Variants in KCNQ5 observed in about 807,000 individuals in gnomAD.
KCNQ5 encodes the protein potassium voltage-gated channel subfamily Q member 5.
Under a neutral mutation model 98.2 loss-of-function variants are expected in KCNQ5, and 30 were observed. That is an observed-to-expected ratio of 0.31 (90% confidence interval 0.23 to 0.41). The LOEUF is 0.41. KCNQ5 is among the 10% of genes least tolerant of loss of function. The probability of loss-of-function intolerance (pLI) is 1.00; values close to 1 mark genes in which losing one functional copy is unlikely to be tolerated. For missense variants in KCNQ5, 835 were observed against 1,182.5 expected, an observed-to-expected ratio of 0.71 and a Z score of 4.31; for synonymous variants, 458 against 449.4, an observed-to-expected ratio of 1.02 and a Z score of -0.24.
chr6:73,005,764 C>A (rs1004068908), intron 2 of KCNQ5, among the ~76,000 whole-genome samples: 1 of 152,196 alleles, frequency 6.6e-6, no homozygotes, highest in African/African-American at 2.4e-5. Flanking sequence ...GCAGATGAGG[C>A]CTTTGTTTTG....
chr6:72,916,971 T>G (rs1372058301), intron 1 of KCNQ5, among the ~76,000 whole-genome samples: 2 of 152,204 alleles, frequency 1.3e-5, no homozygotes, highest in African/African-American at 4.8e-5. Context: ...TATTTCCACA[T>G]GAATGCTCAT....
chr6:72,795,266 A>G (rs758953116), intron 1 of KCNQ5, among the ~76,000 whole-genome samples: 7 of 152,192 alleles, frequency 4.6e-5, no homozygotes, highest in Non-Finnish European at 8.8e-5. Context: ...GGCCAAGGTT[A>G]TGTGTCTCTA....
intron 10 of KCNQ5, among the ~76,000 whole-genome samples, chr6:73,161,822 C>T (rs1777624873): frequency 6.6e-6 from 1 of 152,204 alleles, no homozygotes; most frequent in Non-Finnish European, 1.5e-5. Context: ...TTCATCATCT[C>T]AAGTCCAAGT....
In KCNQ5 at chr6:73,193,925, C is replaced by T. The variant is rs528654909; in HGVS notation, c.1837-527C>T. On this transcript the variant is annotated intron_variant, in intron 13 of 13. Coordinates refer to ENST00000370398, the MANE Select transcript of KCNQ5 (RefSeq NM_019842.4). ...AATCATGGCTCACTGCAGCCTCTAC[C>T]TCCTGGGCTCAGTCAATCCTCCCAA... 3.3e-5 allele frequency among the ~76,000 whole-genome samples: 5 copies of T among 151,462 alleles called. 1 individual carries two copies. In the South Asian group the frequency reaches 1.0e-3, roughly 32 times the overall value.
At position 73,011,663 on chromosome 6, in the gene KCNQ5, T is replaced by C. The variant is rs186597108; in HGVS notation, c.489+7665T>C. On this transcript the variant is annotated intron_variant, in intron 2 of 13. Coordinates refer to ENST00000370398, the MANE Select transcript of KCNQ5 (RefSeq NM_019842.4). ...AAAATGTTTGTGCATCAGAAGACAGTATCAACAGAGAAAAAAGGCAACACA... is the reference window on the plus strand; with the variant it reads ...AAAATGTTTGTGCATCAGAAGACAGCATCAACAGAGAAAAAAGGCAACACA... Among the ~76,000 whole-genome samples, 3 of 152,086 alleles carry C rather than the reference T, an allele frequency of 2.0e-5. No homozygotes were observed. The East Asian group carries it at 5.8e-4, about 29-fold the overall frequency.
chr6:73,077,527 C>T (rs41265509), intron 4 of KCNQ5, 30 bp downstream of exon 4: 26 of 1,579,992 alleles, frequency 1.6e-5, no homozygotes, highest in Non-Finnish European at 2.1e-5. Flanking sequence ...TTTAAAAACA[C>T]AATTTTTGAA....
At chr6:73,145,899 G>A (rs9446853) in intron 10 of KCNQ5, among the ~76,000 whole-genome samples, 29,654 of 152,112 alleles carry the variant, frequency 0.19, 8,122 homozygotes, top group African/African-American at 0.61. Context: ...GGAAGGAAGC[G>A]TGTCTTTACG....
At chr6:72,638,045 T>C (rs973434537) in intron 1 of KCNQ5, among the ~76,000 whole-genome samples, 1 of 152,212 alleles carries the variant, frequency 6.6e-6, no homozygotes, top group Non-Finnish European at 1.5e-5. Flanking sequence ...GGTCCTACTT[T>C]AGTTGTGCAC....
At chr6:72,645,181 G>A (rs1467475135) in intron 1 of KCNQ5, among the ~76,000 whole-genome samples, 1 of 143,712 alleles carries the variant, frequency 7.0e-6, no homozygotes, top group Non-Finnish European at 1.5e-5. Flanking sequence ...ATCAATCTGG[G>A]CTATATAGTG....
chr6:72,770,231 G>T (rs1199138126), intron 1 of KCNQ5, among the ~76,000 whole-genome samples: 1 of 152,092 alleles, frequency 6.6e-6, no homozygotes, highest in Non-Finnish European at 1.5e-5. Context: ...CCAAAAATGA[G>T]AGCAATGGGA....
intron 1 of KCNQ5, among the ~76,000 whole-genome samples, chr6:72,780,211 G>A (rs1029844333): frequency 7.9e-5 from 12 of 152,122 alleles, no homozygotes; most frequent in African/African-American, 2.9e-4. Context: ...CTCCAAGTTT[G>A]CACAGCTGGT....
chr6:73,161,420 C>T (rs1777610247), intron 10 of KCNQ5, among the ~76,000 whole-genome samples: 1 of 152,158 alleles, frequency 6.6e-6, no homozygotes, highest in Non-Finnish European at 1.5e-5. Flanking sequence ...CTATAGTTTA[C>T]AGTAATCTGT....
intron 1 of KCNQ5, among the ~76,000 whole-genome samples, chr6:72,896,930 T>C (rs990980213): frequency 6.7e-6 from 1 of 150,356 alleles, no homozygotes; most frequent in Non-Finnish European, 1.5e-5. Flanking sequence ...TCCTGGTTTT[T>C]TGTTTGTTTG....
intron 1 of KCNQ5, among the ~76,000 whole-genome samples, chr6:72,783,530 TTC>T (rs764023052): frequency 6.6e-6 from 1 of 152,220 alleles, no homozygotes; most frequent in Non-Finnish European, 1.5e-5. Flanking sequence ...TCTTTGCCTG[TTC>T]TCTCTACCTG....
intron 1 of KCNQ5, among the ~76,000 whole-genome samples, chr6:73,000,123 A>T (rs994879917): frequency 1.3e-5 from 2 of 152,116 alleles, no homozygotes; most frequent in Non-Finnish European, 2.9e-5. Flanking sequence ...CATGGTCAGT[A>T]ATCAGCATGC....
At chr6:72,711,867 C>A (rs1164409720) in intron 1 of KCNQ5, among the ~76,000 whole-genome samples, 2 of 152,170 alleles carry the variant, frequency 1.3e-5, no homozygotes, top group Non-Finnish European at 2.9e-5. Context: ...AATTTTATCC[C>A]CAACTTGACA....
intron 3 of KCNQ5, among the ~76,000 whole-genome samples, chr6:73,062,468 A>G (rs545619784): frequency 2.0e-5 from 3 of 152,286 alleles, no homozygotes; most frequent in South Asian, 4.1e-4. Context: ...AAAAATTGAG[A>G]AAACTGCAAG....
chr6:73,000,404 A>C (rs1769507679), intron 1 of KCNQ5, among the ~76,000 whole-genome samples: 1 of 152,156 alleles, frequency 6.6e-6, no homozygotes, highest in Admixed American at 6.5e-5. Context: ...TTATTTACCA[A>C]AACTTTATAT....
intron 5 of KCNQ5, among the ~76,000 whole-genome samples, chr6:73,102,103 A>G (rs961307029): frequency 4.6e-5 from 7 of 152,224 alleles, no homozygotes; most frequent in Non-Finnish European, 1.0e-4. Flanking sequence ...GTACATCCAC[A>G]GTGAACTCAT....
Sources: gnomAD v4.1 joint callset for allele counts (sites outside exome capture counted in the v4.1 genomes callset) on GRCh38, gnomAD v4.1.1 for gene constraint, MANE v1.5 for transcripts, NCBI Gene and HGNC (gene_info 2026-07-23, HGNC 2026-07-21) for gene names.